IL1RAPL1: variants seen among roughly 807,000 people sequenced by gnomAD.
IL1RAPL1 encodes interleukin 1 receptor accessory protein like 1.
In IL1RAPL1, 3 loss-of-function variants were observed where a neutral mutation model predicts 48.4. That is an observed-to-expected ratio of 0.06 (90% CI 0.03 to 0.16). IL1RAPL1 has a LOEUF of 0.16. Ranked by LOEUF, IL1RAPL1 falls within the 10% of genes least tolerant of loss-of-function variation. IL1RAPL1 has a pLI of 1.00. For missense variants in IL1RAPL1, 349 were observed against 530.6 expected (o/e 0.66, Z 3.36); for synonymous variants, 185 against 187.7 (o/e 0.99, Z 0.12).
chrX:29,400,453 T>C (rs749799070), intron 5 of IL1RAPL1, among the ~76,000 whole-genome samples: 1 of 112,088 alleles, frequency 8.9e-6, no homozygotes, highest in African/African-American at 3.2e-5. Flanking sequence ...TACAAGGTGG[T>C]TTCATGAGAA....
intron 2 of IL1RAPL1, among the ~76,000 whole-genome samples, chrX:28,794,038 C>A (rs1936583823): frequency 9.1e-6 from 1 of 110,062 alleles, no homozygotes; most frequent in African/African-American, 3.3e-5. Context: ...TGCTACAGGA[C>A]CAAAACGATA....
intron 1 of IL1RAPL1, among the ~76,000 whole-genome samples, chrX:28,706,422 T>C (rs1372357518): frequency 1.0e-5 from 1 of 96,795 alleles, no homozygotes; most frequent in Non-Finnish European, 1.9e-5. Flanking sequence ...TTTCTTTTCT[T>C]TTTTTTTTTT....
At chrX:28,899,653 T>C (rs1923024496) in intron 2 of IL1RAPL1, among the ~76,000 whole-genome samples, 1 of 111,308 alleles carries the variant, frequency 9.0e-6, no homozygotes. Context: ...AACTTAGGAG[T>C]TGCAAAATGG....
intron 2 of IL1RAPL1, among the ~76,000 whole-genome samples, chrX:29,276,470 A>G (rs1197622114): frequency 1.8e-5 from 2 of 112,023 alleles, no homozygotes; most frequent in Non-Finnish European, 3.8e-5. Flanking sequence ...GCATACTGCT[A>G]TTTTTTAATT....
chrX:29,871,933 A>T (rs1418670059), intron 6 of IL1RAPL1, among the ~76,000 whole-genome samples: 1 of 110,989 alleles, frequency 9.0e-6, no homozygotes, highest in Admixed American at 9.6e-5. Context: ...CATGTTGGCC[A>T]GGCTGACTTG....
chrX:29,892,061 A>G (rs993639781), intron 6 of IL1RAPL1, among the ~76,000 whole-genome samples: 2 of 112,194 alleles, frequency 1.8e-5, no homozygotes, highest in Non-Finnish European at 3.8e-5. Context: ...TAAATATAAC[A>G]TTGTGGTTTT....
intron 1 of IL1RAPL1, among the ~76,000 whole-genome samples, chrX:28,688,122 A>G (rs1251514103): frequency 3.7e-5 from 4 of 108,898 alleles, no homozygotes; most frequent in Admixed American, 9.8e-5. Context: ...AAAAAAAAAA[A>G]AGAGAAAATA....
intron 2 of IL1RAPL1, among the ~76,000 whole-genome samples, chrX:29,124,295 T>A (rs1445577267): frequency 8.9e-6 from 1 of 112,456 alleles, no homozygotes. Flanking sequence ...ACTAGAGCTC[T>A]ATGTATAAAA....
At chrX:29,540,378 A>T (rs1328717645) in intron 5 of IL1RAPL1, among the ~76,000 whole-genome samples, 3 of 111,797 alleles carry the variant, frequency 2.7e-5, no homozygotes, top group African/African-American at 9.8e-5. Context: ...CAGATTCCAC[A>T]CTATTCCTAT....
intron 6 of IL1RAPL1, among the ~76,000 whole-genome samples, chrX:29,823,113 T>C (rs1930656586): frequency 8.9e-6 from 1 of 111,879 alleles, no homozygotes; most frequent in Non-Finnish European, 1.9e-5. Flanking sequence ...GTTTGATCTT[T>C]GTTTGGGAGG....
chrX:28,971,966 A>G (rs1925087472), intron 2 of IL1RAPL1, among the ~76,000 whole-genome samples: 3 of 107,901 alleles, frequency 2.8e-5, no homozygotes, highest in African/African-American at 6.8e-5. Flanking sequence ...AACCCTAATC[A>G]ACATAATTAA....
At chrX:29,937,818 TGCTCTCAG>T (rs1263226216) in intron 8 of IL1RAPL1, among the ~76,000 whole-genome samples, 1 of 111,928 alleles carries the variant, frequency 8.9e-6, no homozygotes, top group Admixed American at 9.5e-5. Flanking sequence ...AAGTCTGTGA[TGCTCTCAG>T]GATCTCAGGA....
At chrX:29,598,703 A>G (rs761097347) in intron 5 of IL1RAPL1, among the ~76,000 whole-genome samples, 1 of 111,175 alleles carries the variant, frequency 9.0e-6, no homozygotes, top group South Asian at 3.8e-4. Context: ...TAAACTTGGG[A>G]GCTCCAGTCT....
chrX:29,782,928 G>A (rs1299265458), intron 6 of IL1RAPL1, among the ~76,000 whole-genome samples: 4 of 67,452 alleles, frequency 5.9e-5, no homozygotes, highest in African/African-American at 2.6e-4. Flanking sequence ...TTTTTGAGAC[G>A]GAGTCTCACT....
At chrX:28,665,782 TG>T (rs1934870012) in intron 1 of IL1RAPL1, among the ~76,000 whole-genome samples, 1 of 112,170 alleles carries the variant, frequency 8.9e-6, no homozygotes, top group South Asian at 3.7e-4. Context: ...TGAGCCACCA[TG>T]CCCGGCTATA....
chrX:28,955,140 A>G (rs1185010010), intron 2 of IL1RAPL1, among the ~76,000 whole-genome samples: 2 of 111,714 alleles, frequency 1.8e-5, no homozygotes, highest in Non-Finnish European at 1.9e-5. Flanking sequence ...TATTGTTTTT[A>G]TCATTTAAAA....
At chrX:29,603,323 A>G (rs1170872540) in intron 5 of IL1RAPL1, among the ~76,000 whole-genome samples, 1 of 110,645 alleles carries the variant, frequency 9.0e-6, no homozygotes, top group African/African-American at 3.3e-5. Flanking sequence ...AATGTAGCCT[A>G]TGTCACTAGT....
intron 2 of IL1RAPL1, among the ~76,000 whole-genome samples, chrX:29,207,102 A>T (rs1930681167): frequency 9.0e-6 from 1 of 111,023 alleles, no homozygotes. Flanking sequence ...TGAAAGAGGG[A>T]ATGGTACTGC....
intron 1 of IL1RAPL1, among the ~76,000 whole-genome samples, chrX:28,755,052 G>A (rs1936091321): frequency 9.0e-6 from 1 of 111,047 alleles, no homozygotes; most frequent in South Asian, 3.8e-4. Context: ...GGAGTGCAAC[G>A]GCACGATCTT....
Sources: allele counts gnomAD v4.1 joint callset (sites outside exome capture counted in the v4.1 genomes callset), GRCh38; gene constraint gnomAD v4.1.1; transcripts MANE v1.5; gene names NCBI Gene and HGNC (gene_info 2026-07-23, HGNC 2026-07-21).